MGST1: variants seen among roughly 807,000 people sequenced by gnomAD.
The protein encoded by MGST1 is microsomal glutathione S-transferase 1, also known as glutathione S-transferase 12.
In MGST1, 5 loss-of-function variants were observed where a neutral mutation model predicts 8.9. The ratio of observed to expected loss-of-function variants is 0.56; its 90% CI spans 0.29 to 1.19. The LOEUF (loss-of-function observed/expected upper bound fraction) is 1.19, where lower values mean the gene tolerates loss of function less well. Ranked by LOEUF, MGST1 falls within the 50% of genes most tolerant of loss-of-function variation. The pLI, the probability that MGST1 is intolerant of heterozygous loss-of-function variation, is 0.08. For synonymous variants in MGST1, 54 were observed against 67.8 expected, an observed-to-expected ratio of 0.80 and a Z score of 1.00; for missense variants, 182 against 187.4, an observed-to-expected ratio of 0.97 and a Z score of 0.17.
At position 16,401,430 on chromosome 12, in the gene MGST1, G is replaced by C; in HGVS notation, n.778+17826G>C. The C allele has an allele frequency of 1.1e-6, 1 of 874,752 alleles. No homozygotes were observed. Among genetic ancestry groups the C allele is most frequent in the East Asian group, 2.4e-5 (1 of 41,600 alleles). 54.2% of individuals were successfully genotyped at this position (874,752 alleles called of 1,614,324 possible). On this transcript the variant is annotated intron_variant and non_coding_transcript_variant, in intron 1 of 1. Transcript: ENST00000359720. The surrounding 1 kb of genome is among the most constrained non-coding windows in gnomAD (Gnocchi z 4.3). The stretch of plus-strand genomic sequence containing the variant: ...GTTCTGGCTTCTGCTTTTTAGCCAC[G>C]TCCATGACAGCATTATATACATCAC...
chr12:16,523,150 T>C (rs929893403), intron 4 of MGST1, among the ~76,000 whole-genome samples: 2 of 152,040 alleles, frequency 1.3e-5, no homozygotes, highest in African/African-American at 4.8e-5. Flanking sequence ...GTTCTATCAA[T>C]TCAGTAAATT....
downstream of MGST1, among the ~76,000 whole-genome samples, chr12:16,380,046 A>T (rs1365875459): frequency 3.3e-5 from 5 of 151,976 alleles, no homozygotes; most frequent in Non-Finnish European, 7.4e-5. Flanking sequence ...CTTCTTTATT[A>T]GTCTTGCTAG....
At chr12:16,474,693 A>C (rs1941309858) in intron 4 of MGST1, among the ~76,000 whole-genome samples, 1 of 152,172 alleles carries the variant, frequency 6.6e-6, no homozygotes, top group Non-Finnish European at 1.5e-5. Context: ...ATTCCAGAAG[A>C]AATGACAAAT....
At chr12:16,531,786 G>T (rs1941725433) in intron 4 of MGST1, among the ~76,000 whole-genome samples, 1 of 152,154 alleles carries the variant, frequency 6.6e-6, no homozygotes, top group Non-Finnish European at 1.5e-5. Context: ...GTGCGGTATT[G>T]TTTCTGTGGG....
intron 4 of MGST1, among the ~76,000 whole-genome samples, chr12:16,557,150 T>G (rs888212984): frequency 6.6e-6 from 1 of 152,196 alleles, no homozygotes; most frequent in Non-Finnish European, 1.5e-5. Context: ...CTTTGCATCA[T>G]AATAGAATTT....
At position 16,582,143 on chromosome 12, in the gene MGST1, T is replaced by A. The variant is rs190701523; in HGVS notation, n.483-7385T>A. The stretch of plus-strand genomic sequence containing the variant: ...GTTAGGTTTCAGTAAATTTTCTTAA[T>A]CATATTTAACTGGTTTCTTCCTGTT... On this transcript the variant is annotated intron_variant and non_coding_transcript_variant, in intron 4 of 4. Coordinates refer to the MGST1 transcript ENST00000538857. This position sits in a 1 kb window ranked among gnomAD's most constrained non-coding sequence, Gnocchi z 4.1. 7.2e-5 allele frequency among the ~76,000 whole-genome samples: 11 copies of A among 152,024 alleles called. No homozygotes were observed. The highest frequency in any genetic ancestry group is 2.4e-4 in the African/African-American group (10 of 41,318).
At chr12:16,394,550 CT>C (rs1940587431) in intron 1 of MGST1, among the ~76,000 whole-genome samples, 6 of 59,244 alleles carry the variant, frequency 1.0e-4, no homozygotes, top group East Asian at 0.01. Flanking sequence ...TTCTTTCTTT[CT>C]TTCTTTCTTT....
chr12:16,558,025 G>A (rs1303668832), intron 4 of MGST1, among the ~76,000 whole-genome samples: 1 of 152,012 alleles, frequency 6.6e-6, no homozygotes, highest in Non-Finnish European at 1.5e-5. Context: ...CATATGTGAA[G>A]CTCTGTCCAT....
intron 1 of MGST1, among the ~76,000 whole-genome samples, chr12:16,429,119 AATTT>A (rs1940918378): frequency 6.6e-6 from 1 of 151,978 alleles, no homozygotes; most frequent in Admixed American, 6.6e-5. Flanking sequence ...GCACCTTCTG[AATTT>A]ATTTATCTTA....
chr12:16,369,052 C>G (rs975115655), downstream of MGST1, among the ~76,000 whole-genome samples: 4 of 152,054 alleles, frequency 2.6e-5, no homozygotes, highest in Non-Finnish European at 5.9e-5. This position sits in a 1 kb window ranked among gnomAD's most constrained non-coding sequence, Gnocchi z 4.8. Flanking sequence ...CTAAGTCATT[C>G]GTATCTATAC....
chr12:16,464,212 A>G (rs958689424), intron 4 of MGST1, among the ~76,000 whole-genome samples: 2 of 152,264 alleles, frequency 1.3e-5, no homozygotes, highest in Non-Finnish European at 2.9e-5. Flanking sequence ...ACTATGAAAC[A>G]CTAAATGTAG....
At chr12:16,360,126 C>T (rs1939919760) in intron 3 of MGST1, among the ~76,000 whole-genome samples, 1 of 152,154 alleles carries the variant, frequency 6.6e-6, no homozygotes, top group Non-Finnish European at 1.5e-5. Context: ...AGAAGAGCGT[C>T]TCCAACAGAG....
At chr12:16,350,104 A>T (rs1195392453) in intron 1 of MGST1, among the ~76,000 whole-genome samples, 1 of 152,182 alleles carries the variant, frequency 6.6e-6, no homozygotes, top group Non-Finnish European at 1.5e-5. Context: ...GGGAGTTCTT[A>T]TTCAACTCCT....
At position 16,555,446 on chromosome 12, in the gene MGST1, T is replaced by C. The variant is rs1004215218; in HGVS notation, n.483-34082T>C. Among the ~76,000 whole-genome samples, 7 of 152,228 alleles carry C rather than the reference T, an allele frequency of 4.6e-5. No individual in the cohort carries two copies. Among genetic ancestry groups the C allele is most frequent in the African/African-American group, 1.7e-4 (7 of 41,466 alleles). On this transcript the variant is annotated intron_variant and non_coding_transcript_variant, in intron 4 of 4. Transcript: ENST00000538857. This position sits in a 1 kb window ranked among gnomAD's most constrained non-coding sequence, Gnocchi z 5.5. ...TTCTGCGGTAAATGACCACGAGTTATATTTCTTTTGAACCCTTTGCAGAAC... is the reference window on the plus strand; with the variant it reads ...TTCTGCGGTAAATGACCACGAGTTACATTTCTTTTGAACCCTTTGCAGAAC...
intron 2 of MGST1, among the ~76,000 whole-genome samples, chr12:16,356,897 ATT>A (rs1421484235): frequency 1.3e-5 from 2 of 152,210 alleles, no homozygotes; most frequent in African/African-American, 4.8e-5. Flanking sequence ...AGGTAAACAT[ATT>A]ACTTTCAGAT....
At chr12:16,399,632 A>C in intron 1 of MGST1, 1 of 1,607,294 alleles carries the variant, frequency 6.2e-7, no homozygotes, top group African/African-American at 1.3e-5. Context: ...CTTCTTCAGC[A>C]TCACTCCCCT....
rs935512584 is a variant in MGST1 at position 16,537,090 on chromosome 12, G to A, written n.483-52438G>A. 6.6e-6 allele frequency among the ~76,000 whole-genome samples: 1 copy of A among 152,154 alleles called. No homozygotes were observed. Among genetic ancestry groups the A allele is most frequent in the Non-Finnish European group, 1.5e-5 (1 of 68,038 alleles). ...AACCTGTAAAGTCAAAAGCAAGTTAGTTACTTCCTAGATACAACGGGGATA... is the reference window on the plus strand; with the variant it reads ...AACCTGTAAAGTCAAAAGCAAGTTAATTACTTCCTAGATACAACGGGGATA... On this transcript the variant is annotated intron_variant and non_coding_transcript_variant, in intron 4 of 4. Transcript: ENST00000538857. The surrounding 1 kb of genome is among the most constrained non-coding windows in gnomAD (Gnocchi z 4.6).
At chr12:16,579,513 C>T (rs1254736879) in intron 4 of MGST1, among the ~76,000 whole-genome samples, 1 of 152,106 alleles carries the variant, frequency 6.6e-6, no homozygotes, top group Non-Finnish European at 1.5e-5. Context: ...TGAATAGTTC[C>T]CTTGCTTCTT....
intron 4 of MGST1, among the ~76,000 whole-genome samples, chr12:16,507,717 G>A (rs556871825): frequency 6.6e-6 from 1 of 152,138 alleles, no homozygotes; most frequent in East Asian, 1.9e-4. Context: ...GAGAGAGAAG[G>A]GGGAAGTGCT....
Sources: gnomAD v4.1 joint callset for allele counts (sites outside exome capture counted in the v4.1 genomes callset) on GRCh38, gnomAD v4.1.1 for gene constraint, Gnocchi (gnomAD v3.1) non-coding constraint, MANE v1.5 for transcripts, NCBI Gene and HGNC (gene_info 2026-07-23, HGNC 2026-07-21) for gene names.